SYNPR: variants seen among roughly 807,000 people sequenced by gnomAD.
The protein encoded by SYNPR is synaptoporin.
A neutral mutation model predicts 32.9 loss-of-function variants in SYNPR; 23 were observed. The ratio of observed to expected loss-of-function variants is 0.70; its 90% CI spans 0.50 to 0.99. SYNPR has a LOEUF of 0.99. Among genes scored for constraint, SYNPR ranks in the 50% least tolerant of loss-of-function variants. The pLI is 0.00. For synonymous variants in SYNPR, 146 were observed against 135.9 expected, an observed-to-expected ratio of 1.07 and a Z score of -0.52; for missense variants, 318 against 349.3, an observed-to-expected ratio of 0.91 and a Z score of 0.71.
intron 3 of SYNPR, among the ~76,000 whole-genome samples, chr3:63,553,051 G>A (rs1702530591): frequency 6.6e-6 from 1 of 152,202 alleles, no homozygotes; most frequent in South Asian, 2.1e-4. Flanking sequence ...CAGGCAGTGA[G>A]CATAGCACCC....
At chr3:63,543,576 AT>A (rs1428842517) in intron 3 of SYNPR, among the ~76,000 whole-genome samples, 1 of 152,026 alleles carries the variant, frequency 6.6e-6, no homozygotes, top group Non-Finnish European at 1.5e-5. Context: ...ATTAAATACC[AT>A]TTTCTTTTAC....
intron 2 of SYNPR, among the ~76,000 whole-genome samples, chr3:63,308,924 T>G (rs550506416): frequency 6.6e-6 from 1 of 152,100 alleles, no homozygotes; most frequent in East Asian, 1.9e-4. Flanking sequence ...CAAGTTTTGA[T>G]CATTATTTTC....
intron 2 of SYNPR, among the ~76,000 whole-genome samples, chr3:63,462,474 A>C (rs1700602003): frequency 6.6e-6 from 1 of 152,166 alleles, no homozygotes; most frequent in South Asian, 2.1e-4. Context: ...GATAAAACAA[A>C]TTGGATACAG....
In SYNPR at chr3:63,331,222, C is replaced by G. The variant is rs77365011; in HGVS notation, c.84+52480C>G. The stretch of plus-strand genomic sequence containing the variant: ...CACACTGATCCAGGCAACCTTAAAA[C>G]TGAACAGAGTTTACAGGTGAAAATG... On this transcript the variant is annotated intron_variant, in intron 2 of 5. Coordinates refer to ENST00000478300, the MANE Select transcript of SYNPR (RefSeq NM_001130003.2). Among the ~76,000 whole-genome samples the G allele has an allele frequency of 2.4e-3, 359 of 152,292 alleles. 3 individuals carry two copies. The highest frequency in any genetic ancestry group is 3.4e-3 in the Middle Eastern group (1 of 294).
intron 2 of SYNPR, among the ~76,000 whole-genome samples, chr3:63,347,615 T>C (rs769382164): frequency 1.3e-5 from 2 of 152,152 alleles, no homozygotes; most frequent in Non-Finnish European, 2.9e-5. Flanking sequence ...AAATAATTTC[T>C]CATCCCTCAC....
chr3:63,431,786 T>C (rs1045640254), intron 2 of SYNPR, among the ~76,000 whole-genome samples: 1 of 150,416 alleles, frequency 6.6e-6, no homozygotes, highest in Non-Finnish European at 1.5e-5. Context: ...AGAACCAACA[T>C]AATCTTTCCT....
intron 4 of SYNPR, among the ~76,000 whole-genome samples, chr3:63,582,595 C>T (rs1336014320): frequency 3.3e-5 from 5 of 152,030 alleles, no homozygotes; most frequent in African/African-American, 1.2e-4. Flanking sequence ...ATATGTATTT[C>T]TTCTTTATTT....
At chr3:63,211,035 T>C in the SYNPR span, among the ~76,000 whole-genome samples, 2 of 152,188 alleles carry the variant, frequency 1.3e-5, no homozygotes, top group Non-Finnish European at 2.9e-5. Context: ...ACTAGATTTG[T>C]TTCTATAAAT....
chr3:63,551,533 C>A (rs1484282497), intron 3 of SYNPR, among the ~76,000 whole-genome samples: 1 of 152,170 alleles, frequency 6.6e-6, no homozygotes, highest in Non-Finnish European at 1.5e-5. Context: ...ATTTTACATT[C>A]TCCCCAGCAA....
At chr3:63,380,783 C>G (rs1293488611) in intron 2 of SYNPR, among the ~76,000 whole-genome samples, 1 of 152,144 alleles carries the variant, frequency 6.6e-6, no homozygotes, top group Non-Finnish European at 1.5e-5. Context: ...AGCATATACA[C>G]AGAACCAAAG....
chr3:63,306,617 AAGTT>A (rs2086913388), intron 2 of SYNPR, among the ~76,000 whole-genome samples: 4 of 152,054 alleles, frequency 2.6e-5, no homozygotes, highest in African/African-American at 9.7e-5. Context: ...ATAAAGATCA[AAGTT>A]AGCAGAGAAC....
chr3:63,315,065 G>T (rs538596354), intron 2 of SYNPR, among the ~76,000 whole-genome samples: 1 of 151,962 alleles, frequency 6.6e-6, no homozygotes, highest in African/African-American at 2.4e-5. Flanking sequence ...GTTTATTTCC[G>T]GTTTCTCTAT....
chr3:63,418,667 C>T (rs973262628), intron 2 of SYNPR, among the ~76,000 whole-genome samples: 2 of 152,214 alleles, frequency 1.3e-5, no homozygotes, highest in Non-Finnish European at 2.9e-5. Flanking sequence ...TCTTACACAA[C>T]ATGGCAGCAG....
chr3:63,491,535 T>C (rs1171040243), intron 3 of SYNPR, among the ~76,000 whole-genome samples: 3 of 152,124 alleles, frequency 2.0e-5, no homozygotes, highest in Non-Finnish European at 2.9e-5. Context: ...TATATAATTT[T>C]TTTTTGAGAC....
At chr3:63,562,363 G>T (rs1267864791) in intron 4 of SYNPR, among the ~76,000 whole-genome samples, 1 of 152,180 alleles carries the variant, frequency 6.6e-6, no homozygotes, top group African/African-American at 2.4e-5. Flanking sequence ...TCATGTTTCA[G>T]TGAATCTGTA....
At chr3:63,522,948 C>A (rs574223575) in intron 3 of SYNPR, among the ~76,000 whole-genome samples, 1 of 152,164 alleles carries the variant, frequency 6.6e-6, no homozygotes, top group African/African-American at 2.4e-5. Context: ...TTTAAAAGAC[C>A]ATTCTAGCTG....
chr3:63,451,665 C>G (rs1315465446), intron 2 of SYNPR, among the ~76,000 whole-genome samples: 1 of 152,040 alleles, frequency 6.6e-6, no homozygotes, highest in Non-Finnish European at 1.5e-5. Context: ...TCAACGCTCT[C>G]CCCTCTCCAC....
intron 2 of SYNPR, among the ~76,000 whole-genome samples, chr3:63,478,767 G>C (rs1700983312): frequency 6.6e-6 from 1 of 152,208 alleles, no homozygotes; most frequent in Admixed American, 6.5e-5. Context: ...GAAACTTGGA[G>C]ACAGAAAGGG....
chr3:63,499,151 A>G (rs1035516590), intron 3 of SYNPR, among the ~76,000 whole-genome samples: 3 of 152,082 alleles, frequency 2.0e-5, no homozygotes, highest in African/African-American at 7.2e-5. Flanking sequence ...TGGTTCAGAG[A>G]GAGAAAACTG....
Sources: gnomAD v4.1 joint callset for allele counts (sites outside exome capture counted in the v4.1 genomes callset) on GRCh38, gnomAD v4.1.1 for gene constraint, MANE v1.5 for transcripts, NCBI Gene and HGNC (gene_info 2026-07-23, HGNC 2026-07-21) for gene names.